AFF3: variants seen among roughly 807,000 people sequenced by gnomAD.
AFF3 encodes ALF transcription elongation factor 3.
AFF3 carries 32 observed loss-of-function variants against 129.7 expected under a neutral mutation model. That is an observed-to-expected ratio of 0.25 (90% CI 0.19 to 0.33). AFF3 has a LOEUF of 0.33. Ranked by LOEUF, AFF3 falls within the 10% of genes least tolerant of loss-of-function variation. AFF3 has a pLI of 1.00. For missense variants in AFF3, 1,373 were observed against 1,592.0 expected (o/e 0.86, Z 2.34); for synonymous variants, 644 against 635.4 (o/e 1.01, Z -0.20).
At chr2:99,672,822 C>T (rs745579399) in intron 11 of AFF3, among the ~76,000 whole-genome samples, 9 of 152,114 alleles carry the variant, frequency 5.9e-5, no homozygotes, top group Non-Finnish European at 1.0e-4. Flanking sequence ...TCAGCTAAGA[C>T]GGGCAGCTTT....
chr2:99,657,184 A>G (rs997284609), intron 12 of AFF3, among the ~76,000 whole-genome samples: 1 of 152,194 alleles, frequency 6.6e-6, no homozygotes, highest in African/African-American at 2.4e-5. Flanking sequence ...TCAGCAGAGG[A>G]CGAATCCTTC....
chr2:99,691,637 C>T (rs746105222), intron 11 of AFF3, among the ~76,000 whole-genome samples: 4 of 152,056 alleles, frequency 2.6e-5, no homozygotes, highest in African/African-American at 4.8e-5. Context: ...TTTTTGGCAC[C>T]GCAACCTTTT....
Position 99,724,817 on chromosome 2 carries a change from G to A in AFF3, c.1091+2260C>T, listed in dbSNP as rs138153800. Reference sequence around the variant, plus strand: ...TTCAGAATTCTCCATTCATAGGAGAGATGCTTGCAACCTGTTATTTCTAGT... The same window carrying A: ...TTCAGAATTCTCCATTCATAGGAGAAATGCTTGCAACCTGTTATTTCTAGT... On this transcript the variant is annotated intron_variant, in intron 11 of 24. Transcript: ENST00000672756. 1.4e-4 allele frequency among the ~76,000 whole-genome samples: 21 copies of A among 152,304 alleles called. 2 individuals are homozygous for A. The East Asian group carries it at 4.1e-3, about 29-fold the overall frequency.
intron 10 of AFF3, among the ~76,000 whole-genome samples, chr2:99,742,991 A>G (rs761810116): frequency 7.9e-5 from 12 of 152,010 alleles, no homozygotes; most frequent in Non-Finnish European, 1.2e-4. Flanking sequence ...TCTTCAAGAC[A>G]CTCTAGTCTG....
At chr2:99,765,081 A>G (rs1682900402) in intron 8 of AFF3, among the ~76,000 whole-genome samples, 1 of 152,194 alleles carries the variant, frequency 6.6e-6, no homozygotes, top group African/African-American at 2.4e-5. Context: ...GCTCAGGAGA[A>G]AATGCACGTT....
chr2:100,104,737 C>CGCCCCCG (rs1691103839), intron 3 of AFF3: 3 of 969,644 alleles, frequency 3.1e-6, no homozygotes, highest in Non-Finnish European at 3.6e-6. Context: ...CGCCGCCCCC[C>CGCCCCCG]GCCCCCGGCC....
intron 15 of AFF3, among the ~76,000 whole-genome samples, chr2:99,589,399 T>G (rs900556949): frequency 7.1e-6 from 1 of 141,258 alleles, no homozygotes; most frequent in Non-Finnish European, 1.5e-5. Flanking sequence ...ATGTCAACAT[T>G]TTTTTTTTTT....
chr2:100,072,023 T>C (rs755657731), intron 4 of AFF3, among the ~76,000 whole-genome samples: 129 of 152,284 alleles, frequency 8.5e-4, no homozygotes, highest in Non-Finnish European at 1.7e-3. Flanking sequence ...ATTTCTACTC[T>C]AGGAGATGTG....
At chr2:100,084,683 G>A (rs1055532838) in intron 4 of AFF3, among the ~76,000 whole-genome samples, 1 of 151,888 alleles carries the variant, frequency 6.6e-6, no homozygotes, top group Non-Finnish European at 1.5e-5. Flanking sequence ...TTAAATCATA[G>A]AGTTAAATTT....
chr2:99,881,411 A>G (rs1692708311), intron 7 of AFF3, among the ~76,000 whole-genome samples: 1 of 152,056 alleles, frequency 6.6e-6, no homozygotes, highest in Non-Finnish European at 1.5e-5. Flanking sequence ...CTTTTCAAAA[A>G]AAAAAAAAAA....
chr2:100,037,313 T>A (rs1174910979), intron 4 of AFF3, among the ~76,000 whole-genome samples: 2 of 149,550 alleles, frequency 1.3e-5, no homozygotes, highest in South Asian at 2.1e-4. Flanking sequence ...GATTCAAAAC[T>A]ATACAGGGTA....
intron 13 of AFF3, among the ~76,000 whole-genome samples, chr2:99,631,925 A>G (rs1214083769): frequency 6.6e-6 from 1 of 151,046 alleles, no homozygotes; most frequent in East Asian, 1.9e-4. Flanking sequence ...AGGAACTGCC[A>G]TACTGTTTTC....
At chr2:99,929,009 C>T (rs962935194) in intron 7 of AFF3, among the ~76,000 whole-genome samples, 2 of 152,220 alleles carry the variant, frequency 1.3e-5, no homozygotes, top group Non-Finnish European at 2.9e-5. Flanking sequence ...TTAAAGTCAA[C>T]TTTTAAAGAA....
intron 7 of AFF3, among the ~76,000 whole-genome samples, chr2:99,943,585 T>C (rs929789577): frequency 1.3e-5 from 2 of 152,242 alleles, no homozygotes; most frequent in Admixed American, 1.3e-4. Context: ...CTGAAAACTA[T>C]GACTTTATCA....
chr2:99,986,846 C>G (rs1330777096), intron 7 of AFF3, among the ~76,000 whole-genome samples: 2 of 152,040 alleles, frequency 1.3e-5, no homozygotes, highest in Admixed American at 6.6e-5. Context: ...TGTACTTTTC[C>G]AAGTTGAAAT....
intron 13 of AFF3, among the ~76,000 whole-genome samples, chr2:99,603,311 C>A (rs185602301): frequency 2.6e-5 from 4 of 152,288 alleles, no homozygotes; most frequent in Admixed American, 6.5e-5. Context: ...CGATTGAATT[C>A]TGACTGAACA....
intron 11 of AFF3, among the ~76,000 whole-genome samples, chr2:99,692,057 C>T (rs774960908): frequency 7.9e-5 from 12 of 152,180 alleles, no homozygotes; most frequent in African/African-American, 1.2e-4. Context: ...GCGACTGGTG[C>T]TCAGCCTCTG....
chr2:99,976,764 A>ATTTTCAGTAG (rs1268625990), intron 7 of AFF3, among the ~76,000 whole-genome samples: 1 of 149,762 alleles, frequency 6.7e-6, no homozygotes, highest in Non-Finnish European at 1.5e-5. Flanking sequence ...CAGATTGGAC[A>ATTTTCAGTAG]TTTTCAGTAG....
At chr2:100,138,366 C>T (rs1692714541) in intron 1 of AFF3, among the ~76,000 whole-genome samples, 1 of 152,210 alleles carries the variant, frequency 6.6e-6, no homozygotes, top group South Asian at 2.1e-4. Flanking sequence ...GCAGCCACAT[C>T]ATGTGGCCCA....
Sources: allele counts gnomAD v4.1 joint callset (sites outside exome capture counted in the v4.1 genomes callset), GRCh38; gene constraint gnomAD v4.1.1; transcripts MANE v1.5; gene names NCBI Gene and HGNC (gene_info 2026-07-23, HGNC 2026-07-21).